Variants in MLLT11 observed in about 807,000 individuals in gnomAD.
MLLT11 encodes the protein MLLT11 transcription factor 7 cofactor.
MLLT11 carries 1 observed loss-of-function variant against 5.3 expected under a neutral mutation model. That is an observed-to-expected ratio of 0.19 (90% confidence interval 0.07 to 0.89). The LOEUF (loss-of-function observed/expected upper bound fraction) is 0.89, where lower values mean the gene tolerates loss of function less well. Among genes scored for constraint, MLLT11 ranks in the 40% least tolerant of loss-of-function variants. The probability of loss-of-function intolerance (pLI) is 0.67; values close to 1 mark genes in which losing one functional copy is unlikely to be tolerated. For missense variants in MLLT11, 87 were observed against 107.3 expected (o/e 0.81, Z 0.83); for synonymous variants, 38 against 41.7 (o/e 0.91, Z 0.34).
chr1:151,062,139 G>T (rs183832876), intron 1 of MLLT11, among the ~76,000 whole-genome samples: 5 of 151,816 alleles, frequency 3.3e-5, no homozygotes, highest in African/African-American at 9.7e-5. Context: ...CTAAACCACG[G>T]AAAATCTATT....
chr1:151,061,372 A>C (rs1229367018), intron 1 of MLLT11, among the ~76,000 whole-genome samples: 1 of 152,204 alleles, frequency 6.6e-6, no homozygotes, highest in Non-Finnish European at 1.5e-5. Context: ...ATGCCCACAA[A>C]GGGTCTGGAC....
Position 151,067,929 on chromosome 1 carries a change from C to T in MLLT11, c.*432C>T, listed in dbSNP as rs1259110602. On this transcript the variant is annotated 3_prime_UTR_variant, in exon 2 of 2. Transcript: ENST00000368921. ...TTTCTTCAAGGGGTGATGAAAACCT[C>T]GGAAGTTTTAATTTGAGGTTATCTG... 8 of 251,636 alleles carry T rather than the reference C, an allele frequency of 3.2e-5. No individual in the cohort carries two copies. Among genetic ancestry groups the T allele is most frequent in the Non-Finnish European group, 5.8e-5 (7 of 120,586 alleles). The allele number at this position is 251,636 out of a possible 1,614,324, so 15.6% of individuals were successfully genotyped here. A position where few individuals can be genotyped will look rare whatever the true frequency, so the allele number is the denominator to read the frequency against.
In MLLT11 at chr1:151,067,960, A is replaced by G. The variant is rs1466041623; in HGVS notation, c.*463A>G. ...TTTTAATTTGAGGTTATCTGCTACGAAACAGTATTTCTAAAAGGCTAAAGT... is the reference window on the plus strand; with the variant it reads ...TTTTAATTTGAGGTTATCTGCTACGGAACAGTATTTCTAAAAGGCTAAAGT... On this transcript the variant is annotated 3_prime_UTR_variant, in exon 2 of 2. Transcript: ENST00000368921. The G allele has an allele frequency of 1.2e-5, 3 of 248,340 alleles. No individual in the cohort carries two copies. Among genetic ancestry groups the G allele is most frequent in the South Asian group, 1.7e-4 (1 of 5,762 alleles). 15.4% of individuals were successfully genotyped at this position (248,340 alleles called of 1,614,324 possible).
chr1:151,065,412 G>A (rs1676462193), intron 1 of MLLT11, among the ~76,000 whole-genome samples: 1 of 152,180 alleles, frequency 6.6e-6, no homozygotes, highest in South Asian at 2.1e-4. Context: ...TTAAGACAAG[G>A]GGTCAATTTG....
chr1:151,061,331 A>G (rs1676404179), intron 1 of MLLT11, among the ~76,000 whole-genome samples: 1 of 152,160 alleles, frequency 6.6e-6, no homozygotes, highest in Non-Finnish European at 1.5e-5. Context: ...TGGCAGCATG[A>G]CACAGCAAGG....
chr1:151,064,441 G>A (rs756494820), intron 1 of MLLT11, among the ~76,000 whole-genome samples: 2 of 152,172 alleles, frequency 1.3e-5, no homozygotes, highest in South Asian at 2.1e-4. Context: ...TAAATAGTGA[G>A]GGAAAGTTAA....
intron 1 of MLLT11, among the ~76,000 whole-genome samples, chr1:151,062,734 A>C (rs1676423888): frequency 6.6e-6 from 1 of 152,158 alleles, no homozygotes; most frequent in Non-Finnish European, 1.5e-5. Flanking sequence ...AAGACTTGTC[A>C]GGTAGGATAG....
At chr1:151,067,010 G>A (rs1329031855) in intron 1 of MLLT11, 2 of 459,702 alleles carry the variant, frequency 4.4e-6, no homozygotes, top group East Asian at 3.5e-5. Context: ...CTCTCCAGAG[G>A]CAATTGGGGA....
In MLLT11 at chr1:151,068,997, CTTAAAA is replaced by C. The variant is rs1217720376; in HGVS notation, c.*1504_*1509del. 6.6e-6 allele frequency among the ~76,000 whole-genome samples: 1 copy of C among 152,136 alleles called. No homozygotes were observed. The highest frequency in any genetic ancestry group is 2.4e-5 in the African/African-American group (1 of 41,418). On this transcript the variant is annotated 3_prime_UTR_variant, in exon 2 of 2. Transcript: ENST00000368921. Reference sequence around the variant, plus strand: ...ACAGATAATGAAAGGGCAAAATCAACTTAAAATTAGAAAAGTAGTTAGGGAGACAGG... The same window carrying C: ...ACAGATAATGAAAGGGCAAAATCAACTTAGAAAAGTAGTTAGGGAGACAGG...
chr1:151,064,796 C>T (rs1558111732), intron 1 of MLLT11, among the ~76,000 whole-genome samples: 1 of 152,010 alleles, frequency 6.6e-6, no homozygotes, highest in Non-Finnish European at 1.5e-5. Flanking sequence ...TGTGTGGCTC[C>T]GAGAGAGTGT....
At chr1:151,063,582 C>T (rs1382307438) in intron 1 of MLLT11, among the ~76,000 whole-genome samples, 2 of 152,164 alleles carry the variant, frequency 1.3e-5, no homozygotes, top group African/African-American at 4.8e-5. Context: ...CCCACCACCG[C>T]GCCCGGCTTA....
intron 1 of MLLT11, among the ~76,000 whole-genome samples, chr1:151,064,005 G>GTTAT (rs3062378): frequency 0.73 from 110,442 of 150,272 alleles, 41,122 homozygotes; most frequent in East Asian, 0.87. Flanking sequence ...GCATAGGAAA[G>GTTAT]TTATTTATTT....
rs1171085963 is a variant in MLLT11, at chr1:151,069,144, T to C, written c.*1647T>C. Among the ~76,000 whole-genome samples, 2 of 152,184 alleles carry C rather than the reference T, an allele frequency of 1.3e-5. No homozygotes were observed. The highest frequency in any genetic ancestry group is 2.9e-5 in the Non-Finnish European group (2 of 68,030). On this transcript the variant is annotated 3_prime_UTR_variant, in exon 2 of 2. Coordinates refer to ENST00000368921, the MANE Select transcript of MLLT11 (RefSeq NM_006818.4). ...TCAAATATGTTATCTGCTTAACTTC[T>C]GGTTTTTGTGTGCCTGCTATAGGAA...
In MLLT11 at chr1:151,067,513, C is replaced by G; in HGVS notation, c.*16C>G. On this transcript the variant is annotated 3_prime_UTR_variant, in exon 2 of 2. Transcript: ENST00000368921. The stretch of plus-strand genomic sequence containing the variant: ...CTTGCTCTAAGGCCAAGACTTCTCT[C>G]TCCCATCACCTTGCCCTCATTGTCT... 1.2e-6 allele frequency: 2 copies of G among 1,609,384 alleles called. No individual in the cohort carries two copies. The highest frequency in any genetic ancestry group is 8.5e-7 in the Non-Finnish European group (1 of 1,177,270).
chr1:151,064,775 T>C (rs1219529957), intron 1 of MLLT11, among the ~76,000 whole-genome samples: 3 of 151,958 alleles, frequency 2.0e-5, no homozygotes, highest in Non-Finnish European at 4.4e-5. Flanking sequence ...CAAAGGATGT[T>C]TGGGCGTGTC....
intron 1 of MLLT11, 87 bp downstream of exon 1, chr1:151,060,640 G>C (rs1251168814): frequency 6.6e-6 from 1 of 152,238 alleles, no homozygotes; most frequent in Admixed American, 6.5e-5. Flanking sequence ...CACATGAGGT[G>C]GGGGACAGCT....
At position 151,069,053 on chromosome 1, in the gene MLLT11, C is replaced by A. The variant is rs587671764; in HGVS notation, c.*1556C>A. On this transcript the variant is annotated 3_prime_UTR_variant, in exon 2 of 2. Transcript: ENST00000368921. ...GTACAACCACTCTTCTGCTTGCCCA[C>A]TGACTACCAACATTATATTTCAGGT... Among the ~76,000 whole-genome samples the A allele has an allele frequency of 3.6e-4, 55 of 152,250 alleles. No homozygotes were observed. Among genetic ancestry groups the A allele is most frequent in the African/African-American group, 1.2e-3 (51 of 41,530 alleles).
rs587768461 is a variant in MLLT11, at chr1:151,069,178, G to A, written c.*1681G>A. Reference sequence around the variant, plus strand: ...TGTGCCTGCTATAGGAAAGCACTGAGCCAAACAGAATGTAAACGGGAATGA... The same window carrying A: ...TGTGCCTGCTATAGGAAAGCACTGAACCAAACAGAATGTAAACGGGAATGA... On this transcript the variant is annotated 3_prime_UTR_variant, in exon 2 of 2. Transcript: ENST00000368921. 5.3e-5 allele frequency among the ~76,000 whole-genome samples: 8 copies of A among 152,238 alleles called. No individual in the cohort carries two copies. The highest frequency in any genetic ancestry group is 2.1e-4 in the South Asian group (1 of 4,828).
In MLLT11 at chr1:151,068,262, A is replaced by G. The variant is rs1676501801; in HGVS notation, c.*765A>G. On this transcript the variant is annotated 3_prime_UTR_variant, in exon 2 of 2. Transcript: ENST00000368921. The stretch of plus-strand genomic sequence containing the variant: ...TAACATGCATTCCTACTATTATGAT[A>G]GTTTTTAAGGTTTCAATTCAATCTT... 3 of 233,090 alleles carry G rather than the reference A, an allele frequency of 1.3e-5. No homozygotes were observed. The highest frequency in any genetic ancestry group is 2.8e-5 in the Non-Finnish European group (3 of 108,712). The allele number at this position is 233,090 out of a possible 1,614,324, so 14.4% of individuals were successfully genotyped here. A position where few individuals can be genotyped will look rare whatever the true frequency, so the allele number is the denominator to read the frequency against.
Sources: allele counts gnomAD v4.1 joint callset (sites outside exome capture counted in the v4.1 genomes callset), GRCh38; gene constraint gnomAD v4.1.1; transcripts MANE v1.5; gene names NCBI Gene and HGNC (gene_info 2026-07-23, HGNC 2026-07-21).